The following FHIT variants were observed in gnomAD, a reference collection of about 807,000 sequenced individuals.
The protein encoded by FHIT is fragile histidine triad diadenosine triphosphatase, also known as bis(5'-adenosyl)-triphosphatase.
Under a neutral mutation model 17.9 loss-of-function variants are expected in FHIT, and 19 were observed. That is an observed-to-expected ratio of 1.06 (90% CI 0.74 to 1.56). FHIT has a LOEUF of 1.56. FHIT is among the 40% of genes most tolerant of loss of function. FHIT has a pLI of 0.00. For synonymous variants in FHIT, 81 were observed against 69.7 expected, an observed-to-expected ratio of 1.16 and a Z score of -0.81; for missense variants, 248 against 189.2, an observed-to-expected ratio of 1.31 and a Z score of -1.82.
At chr3:60,962,103 A>C (rs149563853) in intron 3 of FHIT, among the ~76,000 whole-genome samples, 8 of 152,098 alleles carry the variant, frequency 5.3e-5, no homozygotes, top group East Asian at 1.9e-4. Context: ...CTTTTATTTC[A>C]TTGAGCAGTG....
In FHIT at chr3:60,476,827, G is replaced by C. The variant is rs115079062; in HGVS notation, c.103+60033C>G. Among the ~76,000 whole-genome samples the C allele has an allele frequency of 5.8e-3, 868 of 149,314 alleles. 7 individuals carry two copies. Among genetic ancestry groups the C allele is most frequent in the African/African-American group, 0.02 (824 of 40,404 alleles). The stretch of plus-strand genomic sequence containing the variant: ...ACTTAAGTGAGCATCATTTGGTCTC[G>C]TCCTGGACACCCGGGGAAGGATTTT... On this transcript the variant is annotated intron_variant, in intron 5 of 9. Coordinates refer to ENST00000492590, the MANE Select transcript of FHIT (RefSeq NM_002012.4).
intron 3 of FHIT, among the ~76,000 whole-genome samples, chr3:60,965,137 CT>C (rs1480544446): frequency 4.6e-5 from 7 of 151,478 alleles, no homozygotes; most frequent in Non-Finnish European, 1.0e-4. Context: ...TTTCTTTTTA[CT>C]CTTTTTTCTC....
At chr3:60,453,747 G>C (rs2031903243) in intron 5 of FHIT, among the ~76,000 whole-genome samples, 1 of 152,278 alleles carries the variant, frequency 6.6e-6, no homozygotes, top group African/African-American at 2.4e-5. Context: ...CTGGCACATA[G>C]TATATGCCCA....
chr3:60,591,384 T>G (rs1468721264), intron 4 of FHIT, among the ~76,000 whole-genome samples: 2 of 131,286 alleles, frequency 1.5e-5, no homozygotes, highest in Non-Finnish European at 3.4e-5. Context: ...ATGATGGACT[T>G]AACAGACTGA....
chr3:60,747,557 C>T (rs918482753), intron 4 of FHIT, among the ~76,000 whole-genome samples: 3 of 152,112 alleles, frequency 2.0e-5, no homozygotes, highest in Non-Finnish European at 4.4e-5. Context: ...AAAGATAGAA[C>T]ATTTTGAAAC....
Position 60,025,434 on chromosome 3 carries a change from A to T in FHIT, c.104-11282T>A, listed in dbSNP as rs72879027. On this transcript the variant is annotated intron_variant, in intron 5 of 9. Coordinates refer to ENST00000492590, the MANE Select transcript of FHIT (RefSeq NM_002012.4). ...AGAGAATGATTAGAAACAGGCTCAG[A>T]CTTTTGCTCACTTTGGCTTAGAATC... 5.9e-3 allele frequency among the ~76,000 whole-genome samples: 905 copies of T among 152,358 alleles called. 11 individuals carry two copies. Among genetic ancestry groups the T allele is most frequent in the African/African-American group, 0.021 (859 of 41,586 alleles).
chr3:59,753,686 A>G (rs984404640), intron 8 of FHIT, among the ~76,000 whole-genome samples: 3 of 152,122 alleles, frequency 2.0e-5, no homozygotes, highest in Admixed American at 1.3e-4. Context: ...AAAGGCGCAC[A>G]TTATTTCTTT....
At chr3:59,794,855 G>A (rs181311257) in intron 8 of FHIT, among the ~76,000 whole-genome samples, 6 of 152,202 alleles carry the variant, frequency 3.9e-5, no homozygotes, top group Non-Finnish European at 7.3e-5. Context: ...ACAGTATGAG[G>A]GAAGGCCTTT....
chr3:60,742,879 T>C (rs78141326), intron 4 of FHIT, among the ~76,000 whole-genome samples: 5 of 152,202 alleles, frequency 3.3e-5, no homozygotes, highest in Non-Finnish European at 4.4e-5. Flanking sequence ...CATAAAGAGA[T>C]GGAGATGGAA....
At chr3:60,403,004 C>G (rs1176720537) in intron 5 of FHIT, among the ~76,000 whole-genome samples, 1 of 152,164 alleles carries the variant, frequency 6.6e-6, no homozygotes, top group Non-Finnish European at 1.5e-5. Flanking sequence ...CACAGAGATA[C>G]CAATAGTGCA....
chr3:60,332,902 C>T (rs1332413038), intron 5 of FHIT, among the ~76,000 whole-genome samples: 1 of 152,200 alleles, frequency 6.6e-6, no homozygotes, highest in African/African-American at 2.4e-5. Flanking sequence ...CATTGGCCGA[C>T]ATTGTGTCTG....
intron 2 of FHIT, among the ~76,000 whole-genome samples, chr3:61,120,443 C>T (rs1446954663): frequency 6.6e-6 from 1 of 152,170 alleles, no homozygotes; most frequent in Non-Finnish European, 1.5e-5. Flanking sequence ...AATACTGAGT[C>T]TTAACCTCAA....
chr3:59,954,800 T>A (rs2107320918), intron 7 of FHIT, among the ~76,000 whole-genome samples: 1 of 152,326 alleles, frequency 6.6e-6, no homozygotes, highest in East Asian at 1.9e-4. Context: ...GGAGATGGTT[T>A]ATTCCAACTG....
chr3:59,999,916 T>C (rs959109439), intron 7 of FHIT, among the ~76,000 whole-genome samples: 1 of 152,138 alleles, frequency 6.6e-6, no homozygotes. Flanking sequence ...CCAGATCACC[T>C]AATTTAAATG....
At chr3:60,972,251 T>A (rs955728740) in intron 3 of FHIT, among the ~76,000 whole-genome samples, 18 of 152,204 alleles carry the variant, frequency 1.2e-4, no homozygotes, top group Non-Finnish European at 4.4e-5. Context: ...GGAGCTCCTT[T>A]TAATAGTTTT....
At chr3:60,418,198 G>A (rs1022207409) in intron 5 of FHIT, among the ~76,000 whole-genome samples, 2 of 151,696 alleles carry the variant, frequency 1.3e-5, no homozygotes, top group African/African-American at 4.8e-5. Flanking sequence ...CTCGCTTTAT[G>A]TCTCAAACTA....
At chr3:60,123,678 G>A (rs1705360877) in intron 5 of FHIT, among the ~76,000 whole-genome samples, 1 of 151,936 alleles carries the variant, frequency 6.6e-6, no homozygotes, top group South Asian at 2.1e-4. Context: ...CAGTGCTTCA[G>A]CAGCTACCTA....
intron 3 of FHIT, among the ~76,000 whole-genome samples, chr3:60,870,856 T>C (rs1247778071): frequency 6.6e-6 from 1 of 152,090 alleles, no homozygotes; most frequent in African/African-American, 2.4e-5. Context: ...GGTAAGACCA[T>C]GGACCATGGT....
At chr3:61,040,888 G>C (rs2033475430) in intron 3 of FHIT, among the ~76,000 whole-genome samples, 1 of 152,140 alleles carries the variant, frequency 6.6e-6, no homozygotes, top group Non-Finnish European at 1.5e-5. Flanking sequence ...GGCCTGACTG[G>C]TAACCCCTCA....
Sources: gnomAD v4.1 joint callset for allele counts (sites outside exome capture counted in the v4.1 genomes callset) on GRCh38, gnomAD v4.1.1 for gene constraint, MANE v1.5 for transcripts, NCBI Gene and HGNC (gene_info 2026-07-23, HGNC 2026-07-21) for gene names.